TAS2R1: variants seen among roughly 807,000 people sequenced by gnomAD.
The protein encoded by TAS2R1 is taste 2 receptor member 1, also known as taste receptor type 2 member 1.
For missense variants in TAS2R1, 370 were observed against 353.4 expected, an observed-to-expected ratio of 1.05 and a Z score of -0.38; for synonymous variants, 141 against 134.2, an observed-to-expected ratio of 1.05 and a Z score of -0.35.
intron 2 of TAS2R1, among the ~76,000 whole-genome samples, chr5:9,637,797 C>T (rs194091): frequency 0.95 from 144,211 of 152,212 alleles, 68,937 homozygotes; most frequent in Non-Finnish European, 1. Flanking sequence ...TTTAATGATA[C>T]ATATTTATTT....
At chr5:9,773,182 T>C in the TAS2R1 span, among the ~76,000 whole-genome samples, 5 of 152,120 alleles carry the variant, frequency 3.3e-5, no homozygotes, top group African/African-American at 1.2e-4. Context: ...ATCTGTCATA[T>C]GTTTTTTGAT....
intron 1 of TAS2R1, among the ~76,000 whole-genome samples, chr5:9,678,970 T>C (rs958192249): frequency 6.6e-6 from 1 of 152,190 alleles, no homozygotes; most frequent in African/African-American, 2.4e-5. Flanking sequence ...TGTCTTTTAA[T>C]AGGTGAGTGG....
At chr5:9,808,125 G>A in the TAS2R1 span, among the ~76,000 whole-genome samples, 1 of 152,152 alleles carries the variant, frequency 6.6e-6, no homozygotes, top group African/African-American at 2.4e-5. Flanking sequence ...GGAGTCTGAT[G>A]AAGACTCAGA....
chr5:9,759,953 C>A, the TAS2R1 span, among the ~76,000 whole-genome samples: 1 of 152,130 alleles, frequency 6.6e-6, no homozygotes, highest in African/African-American at 2.4e-5. Context: ...CTTGGTAAAT[C>A]TTTCACTACA....
upstream of TAS2R1, among the ~76,000 whole-genome samples, chr5:9,712,842 G>T (rs554250015): frequency 6.6e-6 from 1 of 151,068 alleles, no homozygotes; most frequent in Admixed American, 6.6e-5. Flanking sequence ...CTCCAAAGAT[G>T]TGGAACAAAG....
the TAS2R1 span, among the ~76,000 whole-genome samples, chr5:9,801,944 C>T: frequency 6.6e-6 from 1 of 152,162 alleles, no homozygotes; most frequent in South Asian, 2.1e-4. Flanking sequence ...TCTTTCTCTA[C>T]CCACCCGGGT....
At chr5:9,800,027 T>C in the TAS2R1 span, among the ~76,000 whole-genome samples, 1 of 152,260 alleles carries the variant, frequency 6.6e-6, no homozygotes, top group East Asian at 1.9e-4. Flanking sequence ...GGTGAGTTCA[T>C]TTACAAGCAC....
At chr5:9,818,665 A>G in the TAS2R1 span, among the ~76,000 whole-genome samples, 1 of 152,172 alleles carries the variant, frequency 6.6e-6, no homozygotes, top group Non-Finnish European at 1.5e-5. Context: ...AGCGTTCAAG[A>G]TCTTTTAAGC....
chr5:9,749,565 C>A, the TAS2R1 span, among the ~76,000 whole-genome samples: 1 of 152,300 alleles, frequency 6.6e-6, no homozygotes. Context: ...GAGCCAGGAA[C>A]AAAATCCCTC....
chr5:9,655,878 G>C (rs1224222651), intron 2 of TAS2R1, among the ~76,000 whole-genome samples: 1 of 132,114 alleles, frequency 7.6e-6, no homozygotes, highest in South Asian at 2.4e-4. Context: ...TTTTTAATTT[G>C]TTTGTTTTTC....
At chr5:9,681,052 A>T (rs1347313547) in intron 1 of TAS2R1, among the ~76,000 whole-genome samples, 1 of 152,060 alleles carries the variant, frequency 6.6e-6, no homozygotes, top group Non-Finnish European at 1.5e-5. Flanking sequence ...ACAGAGAGAG[A>T]CTCCATCTCA....
the TAS2R1 span, among the ~76,000 whole-genome samples, chr5:9,882,693 G>A: frequency 1.3e-5 from 2 of 152,136 alleles, no homozygotes; most frequent in South Asian, 2.1e-4. Flanking sequence ...TGAGGCTGTG[G>A]AGAAATAGGA....
the TAS2R1 span, among the ~76,000 whole-genome samples, chr5:9,835,434 A>T: frequency 1.3e-5 from 2 of 151,998 alleles, no homozygotes; most frequent in Non-Finnish European, 2.9e-5. Flanking sequence ...CACCATCCAC[A>T]TTTTTTTTCT....
At chr5:9,838,384 C>A in the TAS2R1 span, among the ~76,000 whole-genome samples, 1 of 151,988 alleles carries the variant, frequency 6.6e-6, no homozygotes, top group Non-Finnish European at 1.5e-5. Flanking sequence ...AATGAAGGAG[C>A]GAATAGAATA....
At chr5:9,730,260 A>C in the TAS2R1 span, among the ~76,000 whole-genome samples, 43,267 of 152,130 alleles carry the variant, frequency 0.28, 8,391 homozygotes, top group African/African-American at 0.56. Context: ...CTCTTTCTTG[A>C]AAGGTGCAGT....
chr5:9,829,814 T>C, the TAS2R1 span, among the ~76,000 whole-genome samples: 1 of 151,178 alleles, frequency 6.6e-6, no homozygotes, highest in Non-Finnish European at 1.5e-5. Context: ...AAGGGTAAGC[T>C]AAAACCACAG....
chr5:9,790,476 G>T, the TAS2R1 span, among the ~76,000 whole-genome samples: 1 of 152,122 alleles, frequency 6.6e-6, no homozygotes, highest in Admixed American at 6.5e-5. Context: ...ACTGTGTCAC[G>T]GCTGTTTCCC....
the TAS2R1 span, among the ~76,000 whole-genome samples, chr5:9,797,666 T>A: frequency 6.6e-6 from 1 of 152,088 alleles, no homozygotes; most frequent in Non-Finnish European, 1.5e-5. Flanking sequence ...TCAGGAAAAA[T>A]TAGTGCCTAA....
chr5:9,669,336 A>G (rs1740705129), intron 1 of TAS2R1, among the ~76,000 whole-genome samples: 1 of 152,226 alleles, frequency 6.6e-6, no homozygotes, highest in Non-Finnish European at 1.5e-5. Context: ...TGCCACTGAC[A>G]GTATTAGACA....
Sources: allele counts gnomAD v4.1 joint callset (sites outside exome capture counted in the v4.1 genomes callset), GRCh38; gene constraint gnomAD v4.1.1; transcripts MANE v1.5; gene names NCBI Gene and HGNC (gene_info 2026-07-23, HGNC 2026-07-21).